Variants in CORO2B observed in about 807,000 individuals in gnomAD.
CORO2B encodes coronin-2B.
In CORO2B, 26 loss-of-function variants were observed where a neutral mutation model predicts 58.8. That is an observed-to-expected ratio of 0.44 (90% CI 0.32 to 0.61). The LOEUF is 0.61. Among genes scored for constraint, CORO2B ranks in the 20% least tolerant of loss-of-function variants. The probability of loss-of-function intolerance (pLI) is 0.04; values close to 1 mark genes in which losing one functional copy is unlikely to be tolerated. For missense variants in CORO2B, 460 were observed against 645.1 expected, an observed-to-expected ratio of 0.71 and a Z score of 3.11; for synonymous variants, 242 against 253.8, an observed-to-expected ratio of 0.95 and a Z score of 0.44.
chr15:68,605,716 T>G (rs990017143), intron 1 of CORO2B, among the ~76,000 whole-genome samples: 7 of 121,518 alleles, frequency 5.8e-5, no homozygotes, highest in Admixed American at 2.3e-4. Flanking sequence ...CTTGGGTTTT[T>G]TTTTTTTTTT....
chr15:68,685,692 G>GT (rs1902945845), intron 2 of CORO2B, among the ~76,000 whole-genome samples: 1 of 152,124 alleles, frequency 6.6e-6, no homozygotes, highest in African/African-American at 2.4e-5. Context: ...ATCAATCCGG[G>GT]AAACCCATTA....
intron 3 of CORO2B, among the ~76,000 whole-genome samples, chr15:68,703,721 C>T (rs1892714861): frequency 6.6e-6 from 1 of 152,052 alleles, no homozygotes; most frequent in African/African-American, 2.4e-5. Context: ...AGCTAACAGC[C>T]CTAGCCCTAA....
intron 2 of CORO2B, among the ~76,000 whole-genome samples, chr15:68,675,662 TG>T (rs1177422567): frequency 1.3e-5 from 2 of 152,232 alleles, no homozygotes; most frequent in Non-Finnish European, 2.9e-5. Flanking sequence ...GATCTATTTT[TG>T]TAAAACCAAG....
At chr15:68,723,352 C>T (rs1893212132) in intron 11 of CORO2B, among the ~76,000 whole-genome samples, 3 of 151,946 alleles carry the variant, frequency 2.0e-5, no homozygotes. Context: ...GAACTCCTGA[C>T]CTCAGGTGAT....
intron 2 of CORO2B, among the ~76,000 whole-genome samples, chr15:68,660,733 A>G (rs1901988132): frequency 6.6e-6 from 1 of 152,062 alleles, no homozygotes; most frequent in Non-Finnish European, 1.5e-5. Context: ...AATCTCTTTC[A>G]TTATTTCCTT....
chr15:68,664,017 T>C (rs1337889365), intron 2 of CORO2B, among the ~76,000 whole-genome samples: 3 of 152,200 alleles, frequency 2.0e-5, no homozygotes, highest in Non-Finnish European at 4.4e-5. Context: ...ATATCAAGTG[T>C]TGATGAGGAT....
At chr15:68,545,336 G>T in the CORO2B span, among the ~76,000 whole-genome samples, 1 of 152,070 alleles carries the variant, frequency 6.6e-6, no homozygotes, top group Non-Finnish European at 1.5e-5. Context: ...TAAATGTCAG[G>T]TCTCAAATTT....
rs747203345 is a variant in CORO2B at position 68,695,186 on chromosome 15, G to C, written c.263G>C (p.Gly88Ala). The change falls in exon 3 of 12, where the codon GGC (glycine) becomes GCC (alanine). Residue 88 changes from glycine (G) to alanine (A), a missense_variant. This residue lies in a region of CORO2B where 352 missense variants were observed against 543.0 expected (regional missense o/e 0.65). Coordinates refer to ENST00000261861, the MANE Select transcript of CORO2B (RefSeq NM_006091.5). ...TACCCCAAGGTCTGCGGCCACCAGG[G>C]CAATGTGCTGGATATCAAATGGAAC... ...PNYPKVCGHQ[G>A]NVLDIKWNPF... 1 of 1,614,140 alleles carries C rather than the reference G, an allele frequency of 6.2e-7. No homozygotes were observed. Among genetic ancestry groups the C allele is most frequent in the East Asian group, 2.2e-5 (1 of 44,878 alleles).
chr15:68,579,453 G>A (rs568066347), intron 1 of CORO2B, among the ~76,000 whole-genome samples, 176 bp downstream of exon 1: 151 of 152,156 alleles, frequency 9.9e-4, no homozygotes, highest in African/African-American at 3.5e-3. Flanking sequence ...CAAGGACTGC[G>A]GAGGCCAGGG....
chr15:68,656,876 C>G (rs1901823211), intron 2 of CORO2B, among the ~76,000 whole-genome samples: 1 of 152,190 alleles, frequency 6.6e-6, no homozygotes, highest in African/African-American at 2.4e-5. Flanking sequence ...TTACATAAAG[C>G]CTGGAAGGTG....
At chr15:68,523,465 G>A in the CORO2B span, among the ~76,000 whole-genome samples, 1 of 152,124 alleles carries the variant, frequency 6.6e-6, no homozygotes. Context: ...CCAAAGTGCT[G>A]GGACTATAGG....
intron 1 of CORO2B, among the ~76,000 whole-genome samples, chr15:68,625,562 T>G (rs1478834645): frequency 1.3e-5 from 2 of 152,154 alleles, no homozygotes; most frequent in Non-Finnish European, 2.9e-5. Context: ...CCTTTGAGCC[T>G]GCTTGTGCAC....
the CORO2B span, among the ~76,000 whole-genome samples, chr15:68,519,649 A>G: frequency 6.6e-6 from 1 of 152,074 alleles, no homozygotes; most frequent in Non-Finnish European, 1.5e-5. Context: ...TTTGTTGTTT[A>G]TACTCTATTT....
At chr15:68,668,500 G>A (rs898833287) in intron 2 of CORO2B, among the ~76,000 whole-genome samples, 8 of 152,212 alleles carry the variant, frequency 5.3e-5, no homozygotes, top group Non-Finnish European at 4.4e-5. Context: ...AAGACAGTCC[G>A]AAGGACCTCT....
the CORO2B span, among the ~76,000 whole-genome samples, chr15:68,556,923 C>G: frequency 2.0e-5 from 3 of 152,224 alleles, no homozygotes; most frequent in African/African-American, 4.8e-5. Context: ...CTTCCTCCCC[C>G]ATCCCAGTCT....
At chr15:68,701,310 C>CT (rs977104029) in intron 3 of CORO2B, among the ~76,000 whole-genome samples, 11 of 151,340 alleles carry the variant, frequency 7.3e-5, no homozygotes, top group South Asian at 2.1e-4. Context: ...TCTTTTTTTT[C>CT]TTTTTTTTCT....
chr15:68,570,148 A>G, the CORO2B span, among the ~76,000 whole-genome samples: 1 of 152,214 alleles, frequency 6.6e-6, no homozygotes, highest in Admixed American at 6.5e-5. Flanking sequence ...TGGTAGGAAG[A>G]GCTAGGCTTG....
At chr15:68,580,884 G>A (rs1279292324) in intron 1 of CORO2B, among the ~76,000 whole-genome samples, 1 of 152,170 alleles carries the variant, frequency 6.6e-6, no homozygotes, top group Non-Finnish European at 1.5e-5. Context: ...AGGCCTGCAA[G>A]GAAGGTGTGT....
the CORO2B span, among the ~76,000 whole-genome samples, chr15:68,558,952 GACCCAC>G: frequency 6.6e-6 from 1 of 152,088 alleles, no homozygotes; most frequent in African/African-American, 2.4e-5. Context: ...GTGAAGAGGT[GACCCAC>G]GCCGGCCACG....
Sources: allele counts gnomAD v4.1 joint callset (sites outside exome capture counted in the v4.1 genomes callset), GRCh38; gene constraint gnomAD v4.1.1; regional missense constraint gnomAD v4.1.1; transcripts MANE v1.5; gene names NCBI Gene and HGNC (gene_info 2026-07-23, HGNC 2026-07-21).